RNF122: variants seen among roughly 807,000 people sequenced by gnomAD.
The protein encoded by RNF122 is ring finger protein 122.
RNF122 carries 17 observed loss-of-function variants against 24.2 expected under a neutral mutation model. The ratio of observed to expected loss-of-function variants is 0.70; its 90% confidence interval spans 0.48 to 1.06. The LOEUF (loss-of-function observed/expected upper bound fraction) is 1.06, where lower values mean the gene tolerates loss of function less well. RNF122 is among the 50% of genes least tolerant of loss of function. The pLI, the probability that RNF122 is intolerant of heterozygous loss-of-function variation, is 0.00. For missense variants in RNF122, 168 were observed against 198.1 expected (o/e 0.85, Z 0.91); for synonymous variants, 65 against 71.8 (o/e 0.91, Z 0.48).
At chr8:33,558,102 T>C (rs570532786) in intron 2 of RNF122, among the ~76,000 whole-genome samples, 89 of 152,204 alleles carry the variant, frequency 5.8e-4, no homozygotes, top group Middle Eastern at 3.4e-3. Flanking sequence ...GAGATTGCAC[T>C]CCAGCCTGAG....
chr8:33,548,823 C>A lies in RNF122; in HGVS notation c.398G>T (p.Cys133Phe). Residue 133 changes from cysteine (C) to phenylalanine (F), a missense_variant, in exon 6 of 6, where the codon TGT (cysteine) becomes TTT (phenylalanine). Physicochemically the swap from Cys to Phe is radical, Grantham distance 205. Transcript: ENST00000256257. ...WLEVRCVCPMCNKPIASPSEA... is the reference protein window; with the variant it reads ...WLEVRCVCPMFNKPIASPSEA... The stretch of plus-strand genomic sequence containing the variant: ...TGAGGGACTAGCAATGGGCTTGTTA[C>A]ACATGGGGCAGACACAGCGAACTTC... The A allele has an allele frequency of 6.2e-7, 1 of 1,614,066 alleles. No individual in the cohort carries two copies. The highest frequency in any genetic ancestry group is 1.1e-5 in the South Asian group (1 of 91,078).
At chr8:33,565,932 C>A (rs1810616262) in intron 1 of RNF122, among the ~76,000 whole-genome samples, 2 of 152,200 alleles carry the variant, frequency 1.3e-5, no homozygotes, top group African/African-American at 4.8e-5. Flanking sequence ...AGGCTCACTG[C>A]AATCTCCGCC....
chr8:33,553,194 A>T (rs1010321321), intron 2 of RNF122, among the ~76,000 whole-genome samples: 1 of 152,116 alleles, frequency 6.6e-6, no homozygotes, highest in African/African-American at 2.4e-5. Context: ...ATAGAAACCC[A>T]GCAAGCCAGG....
At position 33,548,664 on chromosome 8, in the gene RNF122, C is replaced by G. The variant is rs1810324265; in HGVS notation, c.*89G>C. ...TCACTGGGAAAGTGATCGTCATCAC[C>G]CTACAGTCCTGTTGGTTGGAGCTGT... On this transcript the variant is annotated 3_prime_UTR_variant, in exon 6 of 6. Transcript: ENST00000256257. 1.2e-6 allele frequency: 1 copy of G among 818,590 alleles called. No homozygotes were observed. The highest frequency in any genetic ancestry group is 1.7e-5 in the African/African-American group (1 of 59,480). The allele number at this position is 818,590 out of a possible 1,614,324, so 50.7% of individuals were successfully genotyped here.
At chr8:33,551,228 AC>A in intron 3 of RNF122, 115 bp downstream of exon 3, 1 of 1,464,370 alleles carries the variant, frequency 6.8e-7, no homozygotes, top group Non-Finnish European at 9.6e-7. Context: ...CCTCAGGGAG[AC>A]CCAGAGGTGA....
intron 1 of RNF122, among the ~76,000 whole-genome samples, chr8:33,566,409 G>T (rs552056344): frequency 6.6e-5 from 10 of 152,226 alleles, no homozygotes; most frequent in African/African-American, 1.9e-4. Flanking sequence ...GCAGGGGAAG[G>T]GGGTAGAAGA....
At chr8:33,563,496 C>T (rs1291049247) in intron 1 of RNF122, among the ~76,000 whole-genome samples, 1 of 152,206 alleles carries the variant, frequency 6.6e-6, no homozygotes, top group Non-Finnish European at 1.5e-5. Flanking sequence ...CTAAACTTTG[C>T]TGTGCCCAAC....
intron 3 of RNF122, 47 bp downstream of exon 3, chr8:33,551,297 C>G (rs1282552846): frequency 6.2e-7 from 1 of 1,605,680 alleles, no homozygotes; most frequent in African/African-American, 1.3e-5. Flanking sequence ...CTCTTCCTAT[C>G]AGGTCAGGCA....
intron 1 of RNF122, 75 bp from the exon 2 acceptor site, chr8:33,558,846 T>C (rs1029876649): frequency 1.5e-5 from 19 of 1,228,376 alleles, no homozygotes; most frequent in African/African-American, 3.0e-5. Context: ...GTCAGCAGGA[T>C]AGAAATAACT....
intron 1 of RNF122, among the ~76,000 whole-genome samples, chr8:33,561,150 G>A (rs1361915599): frequency 2.0e-5 from 3 of 151,970 alleles, no homozygotes; most frequent in African/African-American, 2.4e-5. Context: ...TTAGTAACTC[G>A]CCCACAGTCA....
chr8:33,550,989 G>A (rs1810365322), intron 4 of RNF122, 55 bp downstream of exon 4: 1 of 1,549,492 alleles, frequency 6.5e-7, no homozygotes, highest in Non-Finnish European at 8.9e-7. Context: ...CTGGAGCAAG[G>A]TGCTGTCTGC....
chr8:33,551,393 G>T lies in RNF122; in HGVS notation c.183-4C>A. 6.2e-7 allele frequency: 1 copy of T among 1,614,086 alleles called. No homozygotes were observed. The highest frequency in any genetic ancestry group is 8.5e-7 in the Non-Finnish European group (1 of 1,179,988). On this transcript the variant is annotated splice_polypyrimidine_tract_variant and splice_region_variant and intron_variant, in intron 2 of 5. Coordinates refer to ENST00000256257, the MANE Select transcript of RNF122 (RefSeq NM_024787.3). ...CTGTGCCTGGTTCCGCAGTTTGCTG[G>T]GAGAAAGAGAAAAAAATTAGAGAAA...
intron 1 of RNF122, among the ~76,000 whole-genome samples, chr8:33,562,816 G>A (rs564288851): frequency 1.3e-4 from 20 of 152,044 alleles, no homozygotes; most frequent in Non-Finnish European, 2.5e-4. Flanking sequence ...CCAGCTACTC[G>A]GGAGGCTGAG....
chr8:33,565,371 C>T (rs1810606540), intron 1 of RNF122, among the ~76,000 whole-genome samples: 1 of 118,522 alleles, frequency 8.4e-6, no homozygotes, highest in South Asian at 2.5e-4. Flanking sequence ...GGAGTCTACT[C>T]TAAAGAATGA....
chr8:33,549,319 CA>C (rs1266395159), intron 5 of RNF122, 90 bp downstream of exon 5: 16 of 1,027,808 alleles, frequency 1.6e-5, no homozygotes, highest in Non-Finnish European at 2.3e-5. Context: ...GGATAAGGGG[CA>C]AATAGAAAGT....
chr8:33,557,511 C>T (rs551577084), intron 2 of RNF122, among the ~76,000 whole-genome samples: 2 of 152,056 alleles, frequency 1.3e-5, no homozygotes, highest in East Asian at 1.9e-4. Flanking sequence ...ACCCATAATT[C>T]CAGCTATTAG....
intron 1 of RNF122, among the ~76,000 whole-genome samples, chr8:33,561,533 A>C (rs1378187402): frequency 2.0e-5 from 3 of 148,182 alleles, no homozygotes; most frequent in African/African-American, 7.5e-5. Context: ...ACATCCTCCT[A>C]GTTGCCTTTT....
intron 2 of RNF122, among the ~76,000 whole-genome samples, chr8:33,554,681 A>G (rs1228474015): frequency 6.6e-6 from 1 of 152,220 alleles, no homozygotes; most frequent in Non-Finnish European, 1.5e-5. Context: ...CACAGCAACT[A>G]AAAATACCCT....
At chr8:33,550,256 CT>C (rs1269933131) in intron 4 of RNF122, among the ~76,000 whole-genome samples, 1 of 152,178 alleles carries the variant, frequency 6.6e-6, no homozygotes, top group Non-Finnish European at 1.5e-5. Context: ...TAAATCCAGA[CT>C]TCCCACATCC....
Sources: allele counts gnomAD v4.1 joint callset (sites outside exome capture counted in the v4.1 genomes callset), GRCh38; gene constraint gnomAD v4.1.1; transcripts MANE v1.5; gene names NCBI Gene and HGNC (gene_info 2026-07-23, HGNC 2026-07-21).